The following POLR3H variants were observed in gnomAD, a reference collection of about 807,000 sequenced individuals.
The protein encoded by POLR3H is DNA-directed RNA polymerase III subunit RPC8.
A neutral mutation model predicts 25.5 loss-of-function variants in POLR3H; 17 were observed. The observed-to-expected ratio is 0.67, with a 90% CI of 0.46 to 1.00. POLR3H has a LOEUF of 1.00. Among genes scored for constraint, POLR3H ranks in the 50% least tolerant of loss-of-function variants. The probability of loss-of-function intolerance (pLI) is 0.00; values close to 1 mark genes in which losing one functional copy is unlikely to be tolerated. For synonymous variants in POLR3H, 129 were observed against 103.0 expected (o/e 1.25, Z -1.53); for missense variants, 274 against 265.0 (o/e 1.03, Z -0.24).
Position 41,544,200 on chromosome 22 carries a change from C to T in POLR3H, c.-99G>A. 4.3e-6 allele frequency: 3 copies of T among 701,430 alleles called. No individual in the cohort carries two copies. 43.5% of individuals were successfully genotyped at this position (701,430 alleles called of 1,614,324 possible). ...GAGCCCCTTGGTCCCGTCCCAGTCG[C>T]TGAGGCCCCCAGGCTGGCGGTGAGG... On this transcript the variant is annotated 5_prime_UTR_variant, in exon 1 of 6. Transcript: ENST00000355209.
At position 41,526,446 on chromosome 22, in the gene POLR3H, A is replaced by G; in HGVS notation, c.*2837T>C. On this transcript the variant is annotated 3_prime_UTR_variant, in exon 6 of 6. Transcript: ENST00000355209. ...GGCCCCGTCCCTGACACTGCCCGCT[A>G]CTACAAGGTGGGTCAGAGTTGATAG... is the stretch of plus-strand genomic sequence containing the variant. 2 of 1,611,766 alleles carry G rather than the reference A, an allele frequency of 1.2e-6. No individual in the cohort carries two copies. The highest frequency in any genetic ancestry group is 1.3e-5 in the African/African-American group (1 of 75,006).
In POLR3H at chr22:41,544,116, G is replaced by C. The variant is rs1269977537; in HGVS notation, c.-15C>G. ...AGGACGAACATCCCGGCCTGCGCTG[G>C]GGGCTCTGGGAACAGGAGGGTCAGT... On this transcript the variant is annotated 5_prime_UTR_variant, in exon 1 of 6. Coordinates refer to ENST00000355209, the MANE Select transcript of POLR3H (RefSeq NM_001018050.4). 1 of 1,563,248 alleles carries C rather than the reference G, an allele frequency of 6.4e-7. No individual in the cohort carries two copies.
Position 41,528,700 on chromosome 22 carries a change from C to G in POLR3H, c.*583G>C. 1.3e-6 allele frequency: 2 copies of G among 1,528,042 alleles called. No individual in the cohort carries two copies. The highest frequency in any genetic ancestry group is 2.5e-5 in the South Asian group (2 of 80,754). 94.7% of individuals were successfully genotyped at this position (1,528,042 alleles called of 1,614,324 possible). A position where few individuals can be genotyped will look rare whatever the true frequency, so the allele number is the denominator to read the frequency against. On this transcript the variant is annotated 3_prime_UTR_variant, in exon 6 of 6. Transcript: ENST00000355209. ...ATCCGATCCGTCCAGCCATGGCTTC[C>G]TATTCCAAGATGGTGTGACCAGACA...
In POLR3H at chr22:41,530,707, CCTT is replaced by C. The variant is rs758289670; in HGVS notation, c.538_540del (p.Lys180del). Reference sequence around the variant, plus strand: ...CTCACCACAAGCGTGTACGGAGCCTCCTTCTTTGGCAGCTCCTCACTGGAAGTG... The same window carrying C: ...CTCACCACAAGCGTGTACGGAGCCTCCTTTGGCAGCTCCTCACTGGAAGTG... On this transcript the variant is annotated inframe_deletion, in exon 5 of 6. Transcript: ENST00000355209. 4.9e-5 allele frequency: 79 copies of C among 1,613,466 alleles called. No homozygotes were observed. The highest frequency in any genetic ancestry group is 6.7e-5 in the Admixed American group (4 of 60,026).
rs2066593731 is a variant in POLR3H at position 41,526,253 on chromosome 22, C to A, written c.*3030G>T. The A allele has an allele frequency of 1.2e-6, 2 of 1,610,124 alleles. No homozygotes were observed. The highest frequency in any genetic ancestry group is 8.5e-7 in the Non-Finnish European group (1 of 1,178,486). ...CCCTGACCTCTGTCCTCTCTACTTACCACCCAAGGTCAAAGGGAAGTGTAC... is the reference window on the plus strand; with the variant it reads ...CCCTGACCTCTGTCCTCTCTACTTAACACCCAAGGTCAAAGGGAAGTGTAC... On this transcript the variant is annotated 3_prime_UTR_variant, in exon 6 of 6. Transcript: ENST00000355209.
rs954459064 is a variant in POLR3H at position 41,532,471 on chromosome 22, A to G, written c.295+188T>C. 6 of 1,066,020 alleles carry G rather than the reference A, an allele frequency of 5.6e-6. No individual in the cohort carries two copies. In the African/African-American group the frequency reaches 6.4e-5, roughly 11 times the overall value. The allele number at this position is 1,066,020 out of a possible 1,614,324, so 66.0% of individuals were successfully genotyped here. A position where few individuals can be genotyped will look rare whatever the true frequency, so the allele number is the denominator to read the frequency against. ...CTGAAGTCCTGAGTGACGGCCTCAC[A>G]GTGAAACCGCACTGCTGATGGAGGT... On this transcript the variant is annotated intron_variant, in intron 3 of 5. Transcript: ENST00000355209.
intron 5 of POLR3H, among the ~76,000 whole-genome samples, chr22:41,530,137 C>A (rs966594915): frequency 6.6e-6 from 1 of 152,004 alleles, no homozygotes; most frequent in African/African-American, 2.4e-5. Context: ...TCCCTACCCC[C>A]CAATTTTTTA....
At chr22:41,532,548 G>T in intron 3 of POLR3H, 111 bp downstream of exon 3, 1 of 1,578,566 alleles carries the variant, frequency 6.3e-7, no homozygotes, top group South Asian at 1.1e-5. Flanking sequence ...GACACCACGG[G>T]GAAGGTTCGG....
rs777070976 is a variant in POLR3H, at chr22:41,527,951, G to A, written c.*1332C>T. 1.2e-6 allele frequency: 2 copies of A among 1,614,160 alleles called. No homozygotes were observed. Among genetic ancestry groups the A allele is most frequent in the Non-Finnish European group, 1.7e-6 (2 of 1,180,014 alleles). On this transcript the variant is annotated 3_prime_UTR_variant, in exon 6 of 6. Coordinates refer to ENST00000355209, the MANE Select transcript of POLR3H (RefSeq NM_001018050.4). ...GCTGCCTCTGACCTTCGCTGACCCG[G>A]CTGACTACAACAAGATTCACCCTGT...
intron 2 of POLR3H, among the ~76,000 whole-genome samples, chr22:41,536,251 C>T (rs1238152266): frequency 6.6e-6 from 1 of 151,504 alleles, no homozygotes; most frequent in South Asian, 2.1e-4. Context: ...AAAAATTAGC[C>T]GGGCGTGGTG....
chr22:41,529,298 C>A lies in POLR3H; in HGVS notation c.600G>T (p.Trp200Cys). 6.2e-7 allele frequency: 1 copy of A among 1,613,654 alleles called. No individual in the cohort carries two copies. The highest frequency in any genetic ancestry group is 1.1e-5 in the South Asian group (1 of 91,066). Residue 200 changes from tryptophan to cysteine, a missense_variant, in exon 6 of 6, where the codon TGG becomes TGT. Physicochemically the swap from Trp to Cys is radical, Grantham distance 215. Transcript: ENST00000355209. ...AGCCCCAGGGCTAGTTGCTGGTCCACCAGGAGAGAAGGCCCAGGCCTGGCT... is the reference window on the plus strand; with the variant it reads ...AGCCCCAGGGCTAGTTGCTGGTCCAACAGGAGAGAAGGCCCAGGCCTGGCT... ...ISEPGLGLLS[W>C]WTSN
chr22:41,529,410 G>A (rs1009526735), intron 5 of POLR3H, 74 bp from the exon 6 acceptor site: 2 of 1,280,876 alleles, frequency 1.6e-6, no homozygotes, highest in Non-Finnish European at 1.1e-6. Flanking sequence ...GGTGAAGGGA[G>A]CCCAGCAGGC....
rs535133614 is a variant in POLR3H at position 41,526,730 on chromosome 22, G to A, written c.*2553C>T. Reference sequence around the variant, plus strand: ...CTAGACAAAGACAAGGAAGGGGGCCGACTCAGGAAGTCAGAGGCCAAAAGC... The same window carrying A: ...CTAGACAAAGACAAGGAAGGGGGCCAACTCAGGAAGTCAGAGGCCAAAAGC... On this transcript the variant is annotated 3_prime_UTR_variant, in exon 6 of 6. Coordinates refer to ENST00000355209, the MANE Select transcript of POLR3H (RefSeq NM_001018050.4). The A allele has an allele frequency of 9.0e-5, 36 of 401,440 alleles. No homozygotes were observed. Among genetic ancestry groups the A allele is most frequent in the Non-Finnish European group, 1.4e-4 (30 of 221,764 alleles). The allele number at this position is 401,440 out of a possible 1,614,324, so 24.9% of individuals were successfully genotyped here. A position where few individuals can be genotyped will look rare whatever the true frequency, so the allele number is the denominator to read the frequency against.
At position 41,527,810 on chromosome 22, in the gene POLR3H, G is replaced by C. The variant is rs988954730; in HGVS notation, c.*1473C>G. On this transcript the variant is annotated 3_prime_UTR_variant, in exon 6 of 6. Transcript: ENST00000355209. ...GGCATTGTCCCAGGCAGCAGGATTA[G>C]GGGCATCTCCCAGAGCCCCAGATGG... 1.9e-6 allele frequency: 3 copies of C among 1,594,390 alleles called. No homozygotes were observed. Among genetic ancestry groups the C allele is most frequent in the African/African-American group, 2.7e-5 (2 of 74,512 alleles).
At chr22:41,542,012 A>G (rs957879468) in intron 1 of POLR3H, among the ~76,000 whole-genome samples, 177 of 136,982 alleles carry the variant, frequency 1.3e-3, no homozygotes, top group Non-Finnish European at 2.2e-3. Flanking sequence ...GCCCCCACCC[A>G]CCTGTCCAGC....
At chr22:41,533,444 A>C in intron 2 of POLR3H, 2 of 1,068,696 alleles carry the variant, frequency 1.9e-6, no homozygotes, top group Non-Finnish European at 2.4e-6. Flanking sequence ...CCGTGAGGAT[A>C]AGGCAGTGGC....
At chr22:41,537,107 C>T (rs1438901283) in intron 2 of POLR3H, among the ~76,000 whole-genome samples, 3 of 152,006 alleles carry the variant, frequency 2.0e-5, no homozygotes, top group Non-Finnish European at 4.4e-5. Flanking sequence ...GTGGGGAACA[C>T]GGGCTGGCAC....
In POLR3H at chr22:41,527,161, T is replaced by TTTA; in HGVS notation, c.*2121_*2122insTAA. 1 of 1,432,638 alleles carries TTTA rather than the reference T, an allele frequency of 7.0e-7. No individual in the cohort carries two copies. The highest frequency in any genetic ancestry group is 9.6e-7 in the Non-Finnish European group (1 of 1,038,142). The allele number at this position is 1,432,638 out of a possible 1,614,324, so 88.7% of individuals were successfully genotyped here. A position where few individuals can be genotyped will look rare whatever the true frequency, so the allele number is the denominator to read the frequency against. On this transcript the variant is annotated 3_prime_UTR_variant, in exon 6 of 6. Transcript: ENST00000355209. Reference sequence around the variant, plus strand: ...TAGGCAGCAGGCGAGGAAGGGCCCCTCCAGCCCCTTTACCGGGAGCCTCAG... The same window carrying TTTA: ...TAGGCAGCAGGCGAGGAAGGGCCCCTTTACCAGCCCCTTTACCGGGAGCCTCAG...
At position 41,527,226 on chromosome 22, in the gene POLR3H, G is replaced by T; in HGVS notation, c.*2057C>A. 1 of 1,612,836 alleles carries T rather than the reference G, an allele frequency of 6.2e-7. No homozygotes were observed. Among genetic ancestry groups the T allele is most frequent in the Non-Finnish European group, 8.5e-7 (1 of 1,179,504 alleles). ...AGGTGGGTGAGGCCAGGCAGGTAGGGCCAGACAGGTGAGGACGGTGCCCTC... is the reference window on the plus strand; with the variant it reads ...AGGTGGGTGAGGCCAGGCAGGTAGGTCCAGACAGGTGAGGACGGTGCCCTC... On this transcript the variant is annotated 3_prime_UTR_variant, in exon 6 of 6. Coordinates refer to ENST00000355209, the MANE Select transcript of POLR3H (RefSeq NM_001018050.4).
Sources: allele counts gnomAD v4.1 joint callset (sites outside exome capture counted in the v4.1 genomes callset), GRCh38; gene constraint gnomAD v4.1.1; transcripts MANE v1.5; gene names NCBI Gene and HGNC (gene_info 2026-07-23, HGNC 2026-07-21).